OR51B5: variants seen among roughly 807,000 people sequenced by gnomAD.
The protein encoded by OR51B5 is olfactory receptor 51B5.
For synonymous variants in OR51B5, 186 were observed against 144.8 expected (o/e 1.28, Z -2.04); for missense variants, 456 against 374.6 (o/e 1.22, Z -1.79).
At chr11:5,421,958 C>T (rs1475839364) in intron 1 of OR51B5, among the ~76,000 whole-genome samples, 1 of 152,040 alleles carries the variant, frequency 6.6e-6, no homozygotes, top group Non-Finnish European at 1.5e-5. Context: ...TAGAGTTACC[C>T]ATGAATTAAT....
chr11:5,424,681 C>A (rs1030797103), intron 1 of OR51B5, among the ~76,000 whole-genome samples: 2 of 151,906 alleles, frequency 1.3e-5, no homozygotes, highest in African/African-American at 4.8e-5. Flanking sequence ...CTGTAAGTAG[C>A]ATTAGAAGTG....
At chr11:5,424,317 C>A (rs1204594291) in intron 1 of OR51B5, among the ~76,000 whole-genome samples, 2 of 151,776 alleles carry the variant, frequency 1.3e-5, no homozygotes, top group African/African-American at 4.8e-5. Context: ...GAAAGTTATT[C>A]GGGGAAAAGA....
intron 1 of OR51B5, chr11:5,383,918 G>GT (rs1849646389): frequency 6.6e-6 from 1 of 152,178 alleles, no homozygotes; most frequent in Non-Finnish European, 1.5e-5. Context: ...TTACCTGCTG[G>GT]TGAGTCTCAC....
At chr11:5,422,752 G>A in intron 1 of OR51B5, 2 of 1,614,100 alleles carry the variant, frequency 1.2e-6, no homozygotes, top group African/African-American at 1.3e-5. Flanking sequence ...GCCTCCACCA[G>A]GATATGATCC....
chr11:5,387,731 AAT>A, intron 1 of OR51B5, among the ~76,000 whole-genome samples: 2 of 59,806 alleles, frequency 3.3e-5, no homozygotes, highest in Non-Finnish European at 8.6e-5. Flanking sequence ...TCCTTCCTTG[AAT>A]GTTTTTCCCT....
chr11:5,453,168 G>T, intron 1 of OR51B5: 1 of 195,712 alleles, frequency 5.1e-6, no homozygotes, highest in Non-Finnish European at 1.0e-5. Context: ...CAAAATATAT[G>T]CAAGTTGTAG....
intron 1 of OR51B5, among the ~76,000 whole-genome samples, chr11:5,439,084 TTC>T (rs1235140286): frequency 2.0e-5 from 3 of 148,816 alleles, no homozygotes; most frequent in Non-Finnish European, 4.5e-5. Context: ...CAACTGTTCT[TTC>T]TCTCTCTCTC....
chr11:5,471,097 G>C (rs1378986656), intron 1 of OR51B5, among the ~76,000 whole-genome samples: 5 of 152,056 alleles, frequency 3.3e-5, no homozygotes, highest in South Asian at 2.1e-4. Flanking sequence ...TCATAATTTT[G>C]GCTGCTGTAC....
chr11:5,418,928 C>A (rs570223104), intron 1 of OR51B5, among the ~76,000 whole-genome samples: 3 of 149,076 alleles, frequency 2.0e-5, no homozygotes, highest in African/African-American at 7.4e-5. Context: ...TGAGACACCA[C>A]AGTATACTTT....
In OR51B5 at chr11:5,377,714, G is replaced by C. The variant is rs570944917; in HGVS notation, n.85-30804C>G. On this transcript the variant is annotated intron_variant and non_coding_transcript_variant, in intron 1 of 4. Coordinates refer to the OR51B5 transcript ENST00000415970. ...CATGAGGGAACTCCCATTCACAATTGCTTCAAAGAGAATAAAATACCTAGG... is the reference window on the plus strand; with the variant it reads ...CATGAGGGAACTCCCATTCACAATTCCTTCAAAGAGAATAAAATACCTAGG... Among the ~76,000 whole-genome samples the C allele has an allele frequency of 2.0e-5, 3 of 152,060 alleles. No individual in the cohort carries two copies. In the East Asian group the frequency reaches 5.8e-4, roughly 29 times the overall value.
Position 5,485,495 on chromosome 11 carries a change from T to C in OR51B5, n.84+20074A>G, listed in dbSNP as rs181518808. Among the ~76,000 whole-genome samples the C allele has an allele frequency of 1.4e-4, 22 of 152,300 alleles. No individual in the cohort carries two copies. The East Asian group carries it at 3.7e-3, about 25-fold the overall frequency. On this transcript the variant is annotated intron_variant and non_coding_transcript_variant, in intron 1 of 4. Coordinates refer to the OR51B5 transcript ENST00000415970. ...ATGAATTTGAGCCTGAACTTGCAGA[T>C]CACCAGCAATGTGATTTCTCCCTTA...
In OR51B5 at chr11:5,392,564, T is replaced by C. The variant is rs569608412; in HGVS notation, n.85-45654A>G. On this transcript the variant is annotated intron_variant and non_coding_transcript_variant, in intron 1 of 4. Transcript: ENST00000415970. Reference sequence around the variant, plus strand: ...ACTTCTACCTTACTCAAATTTAAAATGCAAATTAACATATCTTAATTTGTT... The same window carrying C: ...ACTTCTACCTTACTCAAATTTAAAACGCAAATTAACATATCTTAATTTGTT... 3.9e-5 allele frequency: 6 copies of C among 152,336 alleles called. No homozygotes were observed. The South Asian group carries it at 1.2e-3, about 32-fold the overall frequency. 9.4% of individuals were successfully genotyped at this position (152,336 alleles called of 1,614,324 possible).
At chr11:5,427,838 A>C (rs993932101) in intron 1 of OR51B5, among the ~76,000 whole-genome samples, 2 of 152,182 alleles carry the variant, frequency 1.3e-5, no homozygotes, top group Non-Finnish European at 2.9e-5. Flanking sequence ...TTAAACATCA[A>C]ATTTAAATTA....
At chr11:5,351,125 A>C (rs1342357492) in intron 1 of OR51B5, among the ~76,000 whole-genome samples, 5 of 152,208 alleles carry the variant, frequency 3.3e-5, no homozygotes, top group Non-Finnish European at 5.9e-5. Flanking sequence ...GATGAAGAGC[A>C]CCATGAAAAG....
intron 1 of OR51B5, among the ~76,000 whole-genome samples, chr11:5,461,523 G>T (rs1394793464): frequency 1.3e-5 from 2 of 152,110 alleles, no homozygotes; most frequent in African/African-American, 4.8e-5. Flanking sequence ...CTCTCTCCAG[G>T]TCTCCCTGCT....
At chr11:5,353,161 TGAGGGTAAACC>T (rs1263282902) in intron 1 of OR51B5, among the ~76,000 whole-genome samples, 1 of 152,032 alleles carries the variant, frequency 6.6e-6, no homozygotes, top group Non-Finnish European at 1.5e-5. Flanking sequence ...CTTTCTTCAA[TGAGGGTAAACC>T]ATTTCCCTCA....
intron 1 of OR51B5, among the ~76,000 whole-genome samples, chr11:5,362,104 A>G (rs999268327): frequency 5.9e-5 from 9 of 152,220 alleles, no homozygotes; most frequent in Non-Finnish European, 1.2e-4. Flanking sequence ...AAATGTATGC[A>G]AATCCTTATA....
At chr11:5,353,640 A>G (rs117602096) in intron 1 of OR51B5, among the ~76,000 whole-genome samples, 549 of 152,304 alleles carry the variant, frequency 3.6e-3, no homozygotes, top group Middle Eastern at 0.01. Flanking sequence ...GACTCAAATG[A>G]TAAGTTTTAA....
intron 1 of OR51B5, among the ~76,000 whole-genome samples, chr11:5,417,461 A>C (rs554769006): frequency 1.3e-5 from 2 of 151,690 alleles, no homozygotes; most frequent in African/African-American, 4.8e-5. Flanking sequence ...TCTGCGCAGC[A>C]AAAGAAACTA....
Sources: gnomAD v4.1 joint callset for allele counts (sites outside exome capture counted in the v4.1 genomes callset) on GRCh38, gnomAD v4.1.1 for gene constraint, MANE v1.5 for transcripts, NCBI Gene and HGNC (gene_info 2026-07-23, HGNC 2026-07-21) for gene names.